Variants in EYS observed in about 807,000 individuals in gnomAD.
EYS encodes protein eyes shut homolog.
In EYS, 250 loss-of-function variants were observed where a neutral mutation model predicts 282.1. That is an observed-to-expected ratio of 0.89 (90% CI 0.80 to 0.98). The LOEUF (loss-of-function observed/expected upper bound fraction) is 0.98, where lower values mean the gene tolerates loss of function less well. Among genes scored for constraint, EYS ranks in the 50% least tolerant of loss-of-function variants. The pLI, the probability that EYS is intolerant of heterozygous loss-of-function variation, is 0.00. For missense variants in EYS, 4,016 were observed against 3,709.0 expected, an observed-to-expected ratio of 1.08 and a Z score of -2.15; for synonymous variants, 1,355 against 1,282.9, an observed-to-expected ratio of 1.06 and a Z score of -1.20.
At chr6:64,395,594 G>C (rs1252609933) in intron 28 of EYS, among the ~76,000 whole-genome samples, 2 of 148,586 alleles carry the variant, frequency 1.3e-5, no homozygotes, top group Non-Finnish European at 3.0e-5. Flanking sequence ...AGATCACATG[G>C]ACACAGGAAG....
intron 29 of EYS, among the ~76,000 whole-genome samples, chr6:64,328,962 A>G (rs1158688097): frequency 6.6e-6 from 1 of 152,184 alleles, no homozygotes; most frequent in Admixed American, 6.5e-5. Context: ...TAAAGGCAAC[A>G]ATCAGGGACA....
intron 15 of EYS, among the ~76,000 whole-genome samples, chr6:64,924,059 A>G (rs947746751): frequency 6.6e-6 from 1 of 152,112 alleles, no homozygotes; most frequent in Non-Finnish European, 1.5e-5. Flanking sequence ...TCCCTTCCAC[A>G]ATGCCCTAGC....
At chr6:65,297,777 C>T (rs1275296938) in intron 11 of EYS, among the ~76,000 whole-genome samples, 1 of 152,008 alleles carries the variant, frequency 6.6e-6, no homozygotes, top group Non-Finnish European at 1.5e-5. Context: ...CAATACCTTT[C>T]CTCTTCTCCC....
intron 19 of EYS, among the ~76,000 whole-genome samples, chr6:64,827,933 T>C (rs755476708): frequency 2.2e-4 from 33 of 151,746 alleles, no homozygotes; most frequent in Non-Finnish European, 3.8e-4. Context: ...GGAATAAGAA[T>C]AAAGTTGACA....
chr6:65,524,030 C>A (rs1194496277), intron 2 of EYS, among the ~76,000 whole-genome samples: 1 of 152,140 alleles, frequency 6.6e-6, no homozygotes, highest in Non-Finnish European at 1.5e-5. Flanking sequence ...CAACACCACG[C>A]CCTGCTAATT....
intron 22 of EYS, among the ~76,000 whole-genome samples, chr6:64,674,947 G>A (rs1481016889): frequency 2.0e-5 from 3 of 151,710 alleles, no homozygotes; most frequent in Non-Finnish European, 4.4e-5. Context: ...TTATTTTCAG[G>A]GACTCAAAAG....
chr6:64,821,615 A>T, intron 21 of EYS, 30 bp downstream of exon 21: 3 of 1,198,418 alleles, frequency 2.5e-6, no homozygotes, highest in Non-Finnish European at 3.5e-6. Flanking sequence ...AATTTTTGTC[A>T]TATAACTTGA....
At chr6:65,438,038 G>A (rs576995832) in intron 5 of EYS, among the ~76,000 whole-genome samples, 5 of 130,088 alleles carry the variant, frequency 3.8e-5, no homozygotes, top group African/African-American at 1.5e-4. Context: ...CTCAGTGTGT[G>A]ATGTTCCCTG....
intron 29 of EYS, among the ~76,000 whole-genome samples, chr6:64,312,511 G>C (rs1055562946): frequency 6.6e-6 from 1 of 152,174 alleles, no homozygotes; most frequent in Non-Finnish European, 1.5e-5. Context: ...AAATCTCCCA[G>C]CACATCGTTT....
At chr6:63,752,089 A>T (rs986256501) in intron 41 of EYS, among the ~76,000 whole-genome samples, 4 of 152,216 alleles carry the variant, frequency 2.6e-5, no homozygotes, top group Non-Finnish European at 5.9e-5. Flanking sequence ...AAACTTTAAA[A>T]TTTTTGCAAT....
intron 13 of EYS, among the ~76,000 whole-genome samples, chr6:65,033,614 C>T (rs1330764944): frequency 3.9e-5 from 6 of 152,152 alleles, no homozygotes; most frequent in Non-Finnish European, 7.3e-5. Flanking sequence ...GGTGTTAAGC[C>T]TGTAGGGGCA....
chr6:65,210,498 A>G (rs1562024447), intron 12 of EYS, among the ~76,000 whole-genome samples: 1 of 152,026 alleles, frequency 6.6e-6, no homozygotes, highest in Non-Finnish European at 1.5e-5. Flanking sequence ...TAAAAAGGAT[A>G]ATTTTCAAAC....
At chr6:63,908,624 T>A (rs933436013) in intron 35 of EYS, among the ~76,000 whole-genome samples, 1 of 151,854 alleles carries the variant, frequency 6.6e-6, no homozygotes, top group African/African-American at 2.4e-5. Flanking sequence ...CTAATTTTTG[T>A]AATTTTAGTA....
At chr6:64,891,819 A>G (rs1489044324) in intron 18 of EYS, among the ~76,000 whole-genome samples, 1 of 152,038 alleles carries the variant, frequency 6.6e-6, no homozygotes, top group Non-Finnish European at 1.5e-5. Flanking sequence ...ATATAATAAT[A>G]TCTTCTATCT....
intron 30 of EYS, among the ~76,000 whole-genome samples, chr6:64,291,402 A>C (rs1041646217): frequency 3.3e-5 from 5 of 152,090 alleles, no homozygotes; most frequent in African/African-American, 1.2e-4. Flanking sequence ...TGTATAAGTA[A>C]AACAACTATA....
chr6:64,578,648 GT>G (rs1765965927), intron 26 of EYS, among the ~76,000 whole-genome samples: 1 of 151,400 alleles, frequency 6.6e-6, no homozygotes, highest in African/African-American at 2.4e-5. Context: ...TATGCTTAGT[GT>G]TTATTATCTG....
intron 26 of EYS, among the ~76,000 whole-genome samples, chr6:64,550,828 G>C (rs998891443): frequency 6.6e-6 from 1 of 151,962 alleles, no homozygotes; most frequent in South Asian, 2.1e-4. Flanking sequence ...CAGACAAACA[G>C]AGAGCCAAAT....
intron 42 of EYS, 69 bp from the exon 43 acceptor site, chr6:63,721,866 C>G (rs1181504284): frequency 2.1e-5 from 30 of 1,416,134 alleles, no homozygotes; most frequent in Non-Finnish European, 2.8e-5. Flanking sequence ...TTTGCTGTTT[C>G]TGGCCAAGTT....
At chr6:65,486,155 A>C (rs1157974188) in intron 5 of EYS, among the ~76,000 whole-genome samples, 1 of 152,250 alleles carries the variant, frequency 6.6e-6, no homozygotes, top group Non-Finnish European at 1.5e-5. Context: ...ATTTTGTTTC[A>C]AATCAGTCAT....
Sources: gnomAD v4.1 joint callset for allele counts (sites outside exome capture counted in the v4.1 genomes callset) on GRCh38, gnomAD v4.1.1 for gene constraint, MANE v1.5 for transcripts, NCBI Gene and HGNC (gene_info 2026-07-23, HGNC 2026-07-21) for gene names.